Variants in COX7B2 observed in about 807,000 individuals in gnomAD.
COX7B2 encodes cytochrome c oxidase subunit 7B2, mitochondrial.
For synonymous variants in COX7B2, 37 were observed against 32.1 expected (o/e 1.15, Z -0.51); for missense variants, 109 against 95.9 (o/e 1.14, Z -0.57).
chr4:46,817,660 GA>G (rs1231682392), intron 2 of COX7B2, among the ~76,000 whole-genome samples: 1 of 152,124 alleles, frequency 6.6e-6, no homozygotes, highest in Non-Finnish European at 1.5e-5. Context: ...CCCTCTTAAG[GA>G]AACATGATAA....
chr4:46,766,921 C>G (rs148003471), intron 2 of COX7B2, among the ~76,000 whole-genome samples: 1 of 151,786 alleles, frequency 6.6e-6, no homozygotes, highest in Non-Finnish European at 1.5e-5. Context: ...TCACATCATA[C>G]GGGAATAAAG....
intron 2 of COX7B2, among the ~76,000 whole-genome samples, chr4:46,820,957 C>T (rs1714242773): frequency 6.6e-6 from 1 of 151,862 alleles, no homozygotes; most frequent in Non-Finnish European, 1.5e-5. Flanking sequence ...GACAGAAAGT[C>T]AGTCAGAATT....
chr4:46,852,676 T>A (rs545426606), intron 1 of COX7B2, among the ~76,000 whole-genome samples: 1 of 152,120 alleles, frequency 6.6e-6, no homozygotes, highest in Admixed American at 6.6e-5. Context: ...AAATCAATTC[T>A]CAAGATATTT....
intron 2 of COX7B2, among the ~76,000 whole-genome samples, chr4:46,767,687 A>G (rs1716625032): frequency 6.6e-6 from 1 of 152,232 alleles, no homozygotes; most frequent in African/African-American, 2.4e-5. Context: ...AGAAATCACT[A>G]ACAGGAGAAA....
chr4:46,800,570 G>A (rs1718604887), intron 2 of COX7B2, among the ~76,000 whole-genome samples: 1 of 152,094 alleles, frequency 6.6e-6, no homozygotes, highest in African/African-American at 2.4e-5. Flanking sequence ...ATTGAAACTG[G>A]ACTCCTTGTT....
In COX7B2 at chr4:46,791,518, A is replaced by G. The variant is rs114045922; in HGVS notation, c.-50+53442T>C. 1.2e-3 allele frequency among the ~76,000 whole-genome samples: 186 copies of G among 152,304 alleles called. 1 individual carries two copies. Among genetic ancestry groups the G allele is most frequent in the African/African-American group, 4.2e-3 (176 of 41,556 alleles). ...GTTGAGAGCTTCTTCTGGGCTGCTTATAGTTAGCTAGCTAGAACTAAATGC... is the reference window on the plus strand; with the variant it reads ...GTTGAGAGCTTCTTCTGGGCTGCTTGTAGTTAGCTAGCTAGAACTAAATGC... On this transcript the variant is annotated intron_variant, in intron 2 of 2. Transcript: ENST00000355591.
intron 1 of COX7B2, among the ~76,000 whole-genome samples, chr4:46,849,211 C>T (rs1716501148): frequency 6.6e-6 from 1 of 151,942 alleles, no homozygotes; most frequent in Non-Finnish European, 1.5e-5. Context: ...CCCCTTGCGC[C>T]ATCAGTTTCT....
At position 46,909,143 on chromosome 4, in the gene COX7B2, G is replaced by C. The variant is rs185326815; in HGVS notation, c.-105+17C>G. 1 of 152,196 alleles carries C rather than the reference G, an allele frequency of 6.6e-6. No homozygotes were observed. The highest frequency in any genetic ancestry group is 1.5e-5 in the Non-Finnish European group (1 of 68,022). 9.4% of individuals were successfully genotyped at this position (152,196 alleles called of 1,614,324 possible). ...GTCAGCTTACTGACAACGAACCCCAGAATGAGACAAACTTACCAAGGACGT... is the reference window on the plus strand; with the variant it reads ...GTCAGCTTACTGACAACGAACCCCACAATGAGACAAACTTACCAAGGACGT... On this transcript the variant is annotated intron_variant, in intron 1 of 2. Transcript: ENST00000355591.
In COX7B2 at chr4:46,782,178, T is replaced by C. The variant is rs13147421; in HGVS notation, c.-49-46937A>G. On this transcript the variant is annotated intron_variant, in intron 2 of 2. Coordinates refer to ENST00000355591, the MANE Select transcript of COX7B2 (RefSeq NM_130902.3). ...GTCTAGCTGGAGGATTGTATATGCATCAATCAGCACTCTGTGTCTAGGTCA... is the reference window on the plus strand; with the variant it reads ...GTCTAGCTGGAGGATTGTATATGCACCAATCAGCACTCTGTGTCTAGGTCA... Among the ~76,000 whole-genome samples, 189 of 152,200 alleles carry C rather than the reference T, an allele frequency of 1.2e-3. 1 individual carries two copies. The highest frequency in any genetic ancestry group is 4.3e-3 in the African/African-American group (179 of 41,552).
intron 2 of COX7B2, among the ~76,000 whole-genome samples, chr4:46,789,529 T>C (rs868388322): frequency 6.6e-5 from 10 of 152,196 alleles, no homozygotes; most frequent in African/African-American, 2.4e-4. Flanking sequence ...TCCAAGAACT[T>C]CTAGTTGGCA....
At position 46,735,128 on chromosome 4, in the gene COX7B2, A is replaced by G; in HGVS notation, c.65T>C (p.Met22Thr). 2.5e-6 allele frequency: 4 copies of G among 1,613,836 alleles called. No homozygotes were observed. The highest frequency in any genetic ancestry group is 2.2e-5 in the East Asian group (1 of 44,876). ...GTGTTTTACATGGCTATGTCTTGCC[A>G]TGCTTTGCAGAATGCTTTGAATCTT... ...SLKIQSILQS[M>T]ARHSHVKHSP... The change falls in exon 3 of 3, where the codon ATG (methionine) becomes ACG (threonine). Residue 22 changes from methionine to threonine, a missense_variant. Transcript: ENST00000355591.
chr4:46,747,653 A>G (rs182845371), intron 2 of COX7B2, among the ~76,000 whole-genome samples: 1 of 152,274 alleles, frequency 6.6e-6, no homozygotes, highest in African/African-American at 2.4e-5. Flanking sequence ...GATAAAATAT[A>G]GTTTTCAAAC....
intron 2 of COX7B2, among the ~76,000 whole-genome samples, chr4:46,781,608 C>G (rs1484383229): frequency 6.6e-6 from 1 of 152,248 alleles, no homozygotes; most frequent in Non-Finnish European, 1.5e-5. Flanking sequence ...TGGAGCCCTG[C>G]ACTGTGGGAG....
intron 2 of COX7B2, among the ~76,000 whole-genome samples, chr4:46,808,447 T>C (rs762517114): frequency 4.2e-4 from 64 of 151,870 alleles, no homozygotes; most frequent in Non-Finnish European, 7.4e-4. Flanking sequence ...TTTTTTTACA[T>C]ATAGAATTAT....
intron 2 of COX7B2, among the ~76,000 whole-genome samples, chr4:46,765,282 C>T (rs951825635): frequency 6.6e-5 from 10 of 152,042 alleles, no homozygotes; most frequent in African/African-American, 1.9e-4. Context: ...TGTCAACCCT[C>T]CCTCAAGCCT....
At chr4:46,811,178 G>C (rs1452419400) in intron 2 of COX7B2, among the ~76,000 whole-genome samples, 1 of 152,058 alleles carries the variant, frequency 6.6e-6, no homozygotes, top group African/African-American at 2.4e-5. Context: ...TCATGGATCT[G>C]GATGTCCATA....
intron 2 of COX7B2, among the ~76,000 whole-genome samples, chr4:46,793,903 T>C (rs1228991975): frequency 1.3e-5 from 2 of 152,198 alleles, no homozygotes; most frequent in African/African-American, 4.8e-5. Flanking sequence ...TCTAGTGAAA[T>C]TGGTCTCCCC....
chr4:46,908,254 C>T (rs575524984), intron 1 of COX7B2, among the ~76,000 whole-genome samples: 8 of 152,124 alleles, frequency 5.3e-5, no homozygotes, highest in Non-Finnish European at 1.0e-4. Context: ...CTGTAAGGCT[C>T]GTACACAAAA....
In COX7B2 at chr4:46,899,558, T is replaced by C. The variant is rs536748277; in HGVS notation, c.-105+9602A>G. On this transcript the variant is annotated intron_variant, in intron 1 of 2. Coordinates refer to ENST00000355591, the MANE Select transcript of COX7B2 (RefSeq NM_130902.3). ...GTGATCTGTGCCTTTATGTATGTGG[T>C]GGGTGCTTTTTCGCCAATGAGAGAG... 5.9e-5 allele frequency among the ~76,000 whole-genome samples: 9 copies of C among 152,164 alleles called. No individual in the cohort carries two copies. The East Asian group carries it at 1.2e-3, about 20-fold the overall frequency.
Sources: gnomAD v4.1 joint callset for allele counts (sites outside exome capture counted in the v4.1 genomes callset) on GRCh38, gnomAD v4.1.1 for gene constraint, MANE v1.5 for transcripts, NCBI Gene and HGNC (gene_info 2026-07-23, HGNC 2026-07-21) for gene names.